Variants in TTC7B observed in about 807,000 individuals in gnomAD.
The protein encoded by TTC7B is tetratricopeptide repeat domain 7B, also known as tetratricopeptide repeat protein 7B.
In TTC7B, 28 loss-of-function variants were observed where a neutral mutation model predicts 106.8. The ratio of observed to expected loss-of-function variants is 0.26; its 90% CI spans 0.19 to 0.36. The LOEUF is 0.36. TTC7B is among the 10% of genes least tolerant of loss of function. TTC7B has a pLI of 1.00. For missense variants in TTC7B, 862 were observed against 1,076.4 expected (o/e 0.80, Z 2.79); for synonymous variants, 405 against 430.6 (o/e 0.94, Z 0.74).
rs2030568782 is a variant in TTC7B, at chr14:90,805,782, C to T, written c.121+10393G>A. Reference sequence around the variant, plus strand: ...GAGATATGGGGAATTAGCCGCCCTGCAGGGGGTCCGTGCCCTGCCTCAGCT... The same window carrying T: ...GAGATATGGGGAATTAGCCGCCCTGTAGGGGGTCCGTGCCCTGCCTCAGCT... On this transcript the variant is annotated intron_variant, in intron 1 of 19. Coordinates refer to ENST00000328459, the MANE Select transcript of TTC7B (RefSeq NM_001010854.2). The surrounding 1 kb of genome is among the most constrained non-coding windows in gnomAD (Gnocchi z 4.0). Among the ~76,000 whole-genome samples, 1 of 152,194 alleles carries T rather than the reference C, an allele frequency of 6.6e-6. No homozygotes were observed. Among genetic ancestry groups the T allele is most frequent in the African/African-American group, 2.4e-5 (1 of 41,454 alleles).
chr14:90,728,842 C>T (rs796569959), intron 5 of TTC7B, among the ~76,000 whole-genome samples: 10 of 152,358 alleles, frequency 6.6e-5, no homozygotes, highest in African/African-American at 1.9e-4. Context: ...GGAGCTCCTC[C>T]GTGATGACCA....
intron 15 of TTC7B, among the ~76,000 whole-genome samples, chr14:90,630,707 C>T (rs1289660368): frequency 6.6e-6 from 1 of 152,188 alleles, no homozygotes; most frequent in South Asian, 2.1e-4. Flanking sequence ...TTTGACTACT[C>T]CACGTACCTC....
chr14:90,584,196 G>A (rs1326738615), intron 18 of TTC7B, among the ~76,000 whole-genome samples: 2 of 152,218 alleles, frequency 1.3e-5, no homozygotes, highest in African/African-American at 2.4e-5. Context: ...GACTGGAGAC[G>A]TGATCCTAAA....
intron 19 of TTC7B, among the ~76,000 whole-genome samples, chr14:90,576,458 AT>A (rs1272137063): frequency 6.6e-6 from 1 of 152,248 alleles, no homozygotes; most frequent in Non-Finnish European, 1.5e-5. Flanking sequence ...AGTAGCTGTA[AT>A]TATGGTAAGG....
At chr14:90,603,033 T>A in intron 17 of TTC7B, among the ~76,000 whole-genome samples, 1 of 152,136 alleles carries the variant, frequency 6.6e-6, no homozygotes, top group East Asian at 1.9e-4. Context: ...CCTTCTCAGA[T>A]CAATACTGCC....
At chr14:90,639,334 A>G (rs1213793649) in intron 15 of TTC7B, among the ~76,000 whole-genome samples, 1 of 152,222 alleles carries the variant, frequency 6.6e-6, no homozygotes, top group Non-Finnish European at 1.5e-5. Context: ...ACCAAAATAC[A>G]TAAAGAAATA....
intron 1 of TTC7B, among the ~76,000 whole-genome samples, chr14:90,786,782 T>G (rs900441500): frequency 6.6e-6 from 1 of 152,142 alleles, no homozygotes; most frequent in Admixed American, 6.5e-5. Context: ...GGTTTCACCA[T>G]GTTAGCCAGG....
intron 1 of TTC7B, among the ~76,000 whole-genome samples, chr14:90,789,054 G>C (rs1189890582): frequency 6.6e-6 from 1 of 152,048 alleles, no homozygotes. Context: ...GACCAGTGCT[G>C]TTCAATAGAA....
intron 9 of TTC7B, among the ~76,000 whole-genome samples, chr14:90,671,108 C>T (rs1320901999): frequency 2.0e-5 from 3 of 152,114 alleles, no homozygotes; most frequent in African/African-American, 4.8e-5. Flanking sequence ...AACCTTGGCA[C>T]GTAGCTCAAG....
At chr14:90,719,056 T>C (rs1888776354) in intron 5 of TTC7B, among the ~76,000 whole-genome samples, 1 of 151,818 alleles carries the variant, frequency 6.6e-6, no homozygotes, top group Admixed American at 6.6e-5. Context: ...AGCCCAGGAG[T>C]TCGAGACCAG....
rs1202008977 is a variant in TTC7B, at chr14:90,629,621, C to T, written c.1752-11576G>A. 3.9e-5 allele frequency among the ~76,000 whole-genome samples: 6 copies of T among 152,182 alleles called. No individual in the cohort carries two copies. The South Asian group carries it at 1.2e-3, about 32-fold the overall frequency. On this transcript the variant is annotated intron_variant, in intron 15 of 19. Transcript: ENST00000328459. The stretch of plus-strand genomic sequence containing the variant: ...GCCAGAGGTTTCCAGGAAACACCTG[C>T]AAGAAGTCTCAAGAGGACACTCCCA...
chr14:90,742,626 C>A lies in TTC7B; in HGVS notation c.576+2166G>T, dbSNP rs1889813840. On this transcript the variant is annotated intron_variant, in intron 4 of 19. Coordinates refer to ENST00000328459, the MANE Select transcript of TTC7B (RefSeq NM_001010854.2). This position sits in a 1 kb window ranked among gnomAD's most constrained non-coding sequence, Gnocchi z 4.1. ...CTAAAACTAGTTTTGGCCTAACTTT[C>A]TGTGTGCCTGGGCTCTCCCTTTCTA... Among the ~76,000 whole-genome samples, 1 of 152,196 alleles carries A rather than the reference C, an allele frequency of 6.6e-6. No homozygotes were observed.
At chr14:90,635,117 C>T (rs1884875799) in intron 15 of TTC7B, among the ~76,000 whole-genome samples, 1 of 152,180 alleles carries the variant, frequency 6.6e-6, no homozygotes, top group Non-Finnish European at 1.5e-5. Flanking sequence ...TAGAATTGTA[C>T]ATCCAATTTG....
At chr14:90,791,798 G>T (rs1300379466) in intron 1 of TTC7B, among the ~76,000 whole-genome samples, 1 of 152,100 alleles carries the variant, frequency 6.6e-6, no homozygotes. Flanking sequence ...CGCCACACAA[G>T]GCTTGCTAGA....
chr14:90,710,581 TG>T (rs922192973), intron 5 of TTC7B, among the ~76,000 whole-genome samples: 4 of 152,204 alleles, frequency 2.6e-5, no homozygotes, highest in African/African-American at 9.7e-5. Flanking sequence ...AGTCCATCAA[TG>T]TGGTACACTT....
intron 9 of TTC7B, among the ~76,000 whole-genome samples, chr14:90,665,889 G>A (rs1044964494): frequency 1.1e-4 from 16 of 152,108 alleles, no homozygotes; most frequent in African/African-American, 3.6e-4. Flanking sequence ...TTTTAAACAT[G>A]ATATATACAA....
chr14:90,606,584 G>A (rs1012001446), intron 17 of TTC7B, among the ~76,000 whole-genome samples: 5 of 152,134 alleles, frequency 3.3e-5, no homozygotes, highest in Admixed American at 6.5e-5. Context: ...ATGACTCAGA[G>A]CTTCAAAGTA....
chr14:90,704,907 C>T (rs1403483308), intron 5 of TTC7B, among the ~76,000 whole-genome samples: 1 of 152,148 alleles, frequency 6.6e-6, no homozygotes, highest in African/African-American at 2.4e-5. Flanking sequence ...CACTCCGACG[C>T]GAAGCTCAGG....
intron 17 of TTC7B, among the ~76,000 whole-genome samples, chr14:90,598,702 T>A (rs1051814903): frequency 1.3e-4 from 20 of 152,336 alleles, no homozygotes; most frequent in Admixed American, 6.5e-4. Flanking sequence ...TCATATTGCC[T>A]TTGCAGGTGA....
Sources: allele counts gnomAD v4.1 joint callset (sites outside exome capture counted in the v4.1 genomes callset), GRCh38; gene constraint gnomAD v4.1.1; non-coding constraint Gnocchi (gnomAD v3.1); transcripts MANE v1.5; gene names NCBI Gene and HGNC (gene_info 2026-07-23, HGNC 2026-07-21).